The following KLRG1 variants were observed in gnomAD, a reference collection of about 807,000 sequenced individuals.
The protein encoded by KLRG1 is killer cell lectin like receptor G1.
Under a neutral mutation model 21.8 loss-of-function variants are expected in KLRG1, and 16 were observed. The observed-to-expected ratio is 0.73, with a 90% CI of 0.50 to 1.11. KLRG1 has a LOEUF of 1.11. KLRG1 is among the 50% of genes most tolerant of loss of function. The probability of loss-of-function intolerance (pLI) is 0.00; values close to 1 mark genes in which losing one functional copy is unlikely to be tolerated. For missense variants in KLRG1, 173 were observed against 218.3 expected (o/e 0.79, Z 1.31); for synonymous variants, 69 against 75.9 (o/e 0.91, Z 0.47).
the KLRG1 span, among the ~76,000 whole-genome samples, chr12:9,102,829 T>G: frequency 1.3e-5 from 2 of 152,212 alleles, no homozygotes; most frequent in South Asian, 2.1e-4. Flanking sequence ...CTTTTTGAAA[T>G]GAGTAAACAT....
chr12:9,125,214 C>G, the KLRG1 span, among the ~76,000 whole-genome samples: 1 of 152,224 alleles, frequency 6.6e-6, no homozygotes, highest in Non-Finnish European at 1.5e-5. Context: ...GACCTGCCTA[C>G]GGAGAGGAGC....
the KLRG1 span, chr12:9,157,957 T>C: frequency 1.7e-5 from 15 of 861,706 alleles, no homozygotes; most frequent in Non-Finnish European, 2.6e-5. Flanking sequence ...TACCATTTCC[T>C]TCTCTCTCTC....
At chr12:9,057,015 G>A in the KLRG1 span, among the ~76,000 whole-genome samples, 9 of 152,038 alleles carry the variant, frequency 5.9e-5, no homozygotes, top group South Asian at 4.2e-4. Context: ...GCACTTCTAC[G>A]TAAAACTCTT....
the KLRG1 span, among the ~76,000 whole-genome samples, chr12:9,043,131 A>G: frequency 3.8e-3 from 543 of 142,502 alleles, 3 homozygotes; most frequent in Middle Eastern, 0.031. Context: ...GCTGGAGTGC[A>G]GTGGTGCACT....
At chr12:9,024,779 C>T in the KLRG1 span, among the ~76,000 whole-genome samples, 1 of 152,120 alleles carries the variant, frequency 6.6e-6, no homozygotes, top group Admixed American at 6.5e-5. Flanking sequence ...GGGTTTTTAC[C>T]TAGAAGGAGG....
At chr12:8,991,868 A>G (rs1946979940) in intron 1 of KLRG1, among the ~76,000 whole-genome samples, 1 of 152,196 alleles carries the variant, frequency 6.6e-6, no homozygotes, top group African/African-American at 2.4e-5. Flanking sequence ...CAAAGGGTAC[A>G]TGCCTTTGCC....
the KLRG1 span, chr12:9,055,805 T>A: frequency 6.6e-6 from 1 of 152,594 alleles, no homozygotes; most frequent in Non-Finnish European, 1.5e-5. Context: ...TTAATTCTAA[T>A]TGGATATGGA....
At chr12:9,109,778 T>G in the KLRG1 span, 2 of 1,316,892 alleles carry the variant, frequency 1.5e-6, no homozygotes, top group East Asian at 4.7e-5. Flanking sequence ...CCATGGGAAA[T>G]GGAAAGACTC....
chr12:9,072,542 A>G, the KLRG1 span: 1 of 1,602,040 alleles, frequency 6.2e-7, no homozygotes, highest in Non-Finnish European at 8.5e-7. Context: ...ATTCCTGTCC[A>G]CGTCCCTAAC....
At chr12:9,205,272 C>G in the KLRG1 span, among the ~76,000 whole-genome samples, 1 of 152,104 alleles carries the variant, frequency 6.6e-6, no homozygotes. Flanking sequence ...TCTAATGCCC[C>G]CCACTCCATA....
intron 1 of KLRG1, among the ~76,000 whole-genome samples, chr12:8,962,887 A>C (rs1946404209): frequency 6.6e-6 from 1 of 152,142 alleles, no homozygotes; most frequent in Non-Finnish European, 1.5e-5. Flanking sequence ...GAAAGAGGAC[A>C]AATTTGGCCC....
the KLRG1 span, among the ~76,000 whole-genome samples, chr12:9,095,887 G>C: frequency 1.3e-5 from 2 of 150,784 alleles, no homozygotes; most frequent in Admixed American, 6.6e-5. Flanking sequence ...AGCCTCCCGA[G>C]TAGCTGGGAC....
the KLRG1 span, among the ~76,000 whole-genome samples, chr12:9,100,947 A>G: frequency 6.6e-6 from 1 of 152,168 alleles, no homozygotes; most frequent in East Asian, 1.9e-4. Flanking sequence ...AATTGGGTAC[A>G]ATGTATACTG....
chr12:9,095,149 C>A, the KLRG1 span: 1 of 821,332 alleles, frequency 1.2e-6, no homozygotes, highest in Non-Finnish European at 1.8e-6. Flanking sequence ...GTAGCTACTT[C>A]TTTTTATTGA....
chr12:9,169,158 T>G, the KLRG1 span, among the ~76,000 whole-genome samples: 2 of 138,174 alleles, frequency 1.4e-5, no homozygotes, highest in African/African-American at 5.2e-5. Flanking sequence ...TTATTCTTTA[T>G]TCATTATTTT....
the KLRG1 span, chr12:9,067,966 C>A: frequency 9.5e-7 from 1 of 1,048,956 alleles, no homozygotes; most frequent in South Asian, 1.4e-5. Flanking sequence ...GAAACCAAAT[C>A]TATTCCAAAT....
the KLRG1 span, chr12:9,158,533 A>G: frequency 6.2e-7 from 1 of 1,614,168 alleles, no homozygotes; most frequent in East Asian, 2.2e-5. Context: ...ATGAAGATGT[A>G]GGATCGAGCC....
At chr12:9,071,404 T>C in the KLRG1 span, among the ~76,000 whole-genome samples, 9 of 152,216 alleles carry the variant, frequency 5.9e-5, no homozygotes, top group African/African-American at 2.2e-4. Context: ...TTTTTTGGCA[T>C]ATATATACAC....
upstream of KLRG1, among the ~76,000 whole-genome samples, chr12:8,985,171 G>GT (rs35689537): frequency 2.1e-5 from 3 of 145,174 alleles, no homozygotes; most frequent in African/African-American, 7.6e-5. Context: ...GTTTCTCAGT[G>GT]TTTTTTTTTT....
Sources: gnomAD v4.1 joint callset for allele counts (sites outside exome capture counted in the v4.1 genomes callset) on GRCh38, gnomAD v4.1.1 for gene constraint, MANE v1.5 for transcripts, NCBI Gene and HGNC (gene_info 2026-07-23, HGNC 2026-07-21) for gene names.